Variants in ATG10 observed in about 807,000 individuals in gnomAD.
ATG10 encodes the protein ubiquitin-like-conjugating enzyme ATG10.
A neutral mutation model predicts 32.1 loss-of-function variants in ATG10; 30 were observed. That is an observed-to-expected ratio of 0.94 (90% CI 0.70 to 1.27). The LOEUF (loss-of-function observed/expected upper bound fraction) is 1.27. Among genes scored for constraint, ATG10 ranks in the 50% most tolerant of loss-of-function variants. ATG10 has a pLI of 0.00. For missense variants in ATG10, 233 were observed against 262.3 expected (o/e 0.89, Z 0.77); for synonymous variants, 87 against 91.5 (o/e 0.95, Z 0.28).
At position 82,162,066 on chromosome 5, in the gene ATG10, T is replaced by C. The variant is rs565337339; in HGVS notation, c.217-2333T>C. ...TTGAAAGAAAACAGAAAGTGTTTTTTATATATGTGTGTATATATGTATATA... is the reference window on the plus strand; with the variant it reads ...TTGAAAGAAAACAGAAAGTGTTTTTCATATATGTGTGTATATATGTATATA... On this transcript the variant is annotated intron_variant, in intron 3 of 7. Transcript: ENST00000282185. 3.3e-5 allele frequency among the ~76,000 whole-genome samples: 5 copies of C among 152,286 alleles called. No individual in the cohort carries two copies. In the East Asian group the frequency reaches 9.6e-4, roughly 29 times the overall value.
rs1219048714 is a variant in ATG10, at chr5:82,223,781, A to G, written c.454-28781A>G. Among the ~76,000 whole-genome samples the G allele has an allele frequency of 2.0e-5, 3 of 152,226 alleles. No individual in the cohort carries two copies. The South Asian group carries it at 6.2e-4, about 32-fold the overall frequency. ...TGCTAGGTCACTGATAGAAATTTTA[A>G]GTAGAGAGTTTGTTTATTATGAACT... On this transcript the variant is annotated intron_variant, in intron 5 of 7. Coordinates refer to ENST00000282185, the MANE Select transcript of ATG10 (RefSeq NM_031482.5).
intron 2 of ATG10, among the ~76,000 whole-genome samples, chr5:82,020,047 G>A (rs1196182569): frequency 6.6e-6 from 1 of 152,220 alleles, no homozygotes; most frequent in Admixed American, 6.5e-5. Context: ...CACCCCATGG[G>A]GGAGTTAGCA....
chr5:82,113,002 A>G (rs1371771743), intron 3 of ATG10, among the ~76,000 whole-genome samples: 2 of 151,956 alleles, frequency 1.3e-5, no homozygotes, highest in African/African-American at 4.8e-5. Context: ...GTATTTTTGA[A>G]TGATTTCCAT....
intron 5 of ATG10, among the ~76,000 whole-genome samples, chr5:82,240,959 C>CA (rs1382093189): frequency 1.3e-5 from 2 of 152,076 alleles, no homozygotes; most frequent in Non-Finnish European, 2.9e-5. Flanking sequence ...TTCATGACAG[C>CA]AGAGGTTATC....
chr5:82,067,931 G>A (rs1211263495), intron 3 of ATG10, among the ~76,000 whole-genome samples: 5 of 152,242 alleles, frequency 3.3e-5, no homozygotes, highest in African/African-American at 1.2e-4. Flanking sequence ...AGCAGCAGCT[G>A]TATACTTAAG....
At chr5:82,203,686 T>G (rs950033735) in intron 5 of ATG10, among the ~76,000 whole-genome samples, 3 of 152,162 alleles carry the variant, frequency 2.0e-5, no homozygotes, top group Admixed American at 2.0e-4. Context: ...TGATGACTGA[T>G]ATGTTTCAAT....
chr5:82,009,734 C>T, intron 2 of ATG10: 4 of 1,598,616 alleles, frequency 2.5e-6, no homozygotes, highest in Non-Finnish European at 3.4e-6. Context: ...CATCCAACCA[C>T]TCAGTCTTGG....
At chr5:82,024,443 ATGTC>A (rs1417965606) in intron 2 of ATG10, among the ~76,000 whole-genome samples, 1 of 152,200 alleles carries the variant, frequency 6.6e-6, no homozygotes, top group Non-Finnish European at 1.5e-5. Flanking sequence ...AGTAATTTCT[ATGTC>A]TGTTTAATAA....
intron 5 of ATG10, among the ~76,000 whole-genome samples, chr5:82,232,913 G>A (rs770925252): frequency 2.6e-5 from 4 of 152,282 alleles, no homozygotes; most frequent in Admixed American, 6.5e-5. Flanking sequence ...GGTTTCTGCT[G>A]TCTTCTCTCT....
chr5:82,197,758 C>G lies in ATG10; in HGVS notation c.453+19171C>G, dbSNP rs531646184. ...TCTATCTATCTATCTATCTATCTATCTATCTATCTATCTATCTCTATAGAT... is the reference window on the plus strand; with the variant it reads ...TCTATCTATCTATCTATCTATCTATGTATCTATCTATCTATCTCTATAGAT... On this transcript the variant is annotated intron_variant, in intron 5 of 7. Coordinates refer to ENST00000282185, the MANE Select transcript of ATG10 (RefSeq NM_031482.5). 4.0e-5 allele frequency among the ~76,000 whole-genome samples: 6 copies of G among 149,954 alleles called. No homozygotes were observed. The South Asian group carries it at 1.3e-3, about 31-fold the overall frequency.
intron 5 of ATG10, among the ~76,000 whole-genome samples, chr5:82,251,336 C>G (rs896184765): frequency 2.0e-5 from 3 of 152,194 alleles, no homozygotes; most frequent in Admixed American, 2.0e-4. Context: ...AGAGAAGAAG[C>G]CAAGAGAAGA....
At chr5:82,076,096 C>T (rs1161728051) in intron 3 of ATG10, among the ~76,000 whole-genome samples, 1 of 152,146 alleles carries the variant, frequency 6.6e-6, no homozygotes, top group Admixed American at 6.5e-5. Flanking sequence ...GGAGTTAGTG[C>T]CGATACTTAT....
intron 5 of ATG10, among the ~76,000 whole-genome samples, chr5:82,231,781 G>A (rs1746376570): frequency 6.6e-6 from 1 of 152,062 alleles, no homozygotes; most frequent in Non-Finnish European, 1.5e-5. Flanking sequence ...GGGTATAAAA[G>A]GAATCCTTAT....
chr5:82,006,502 C>T (rs929378293), intron 2 of ATG10, among the ~76,000 whole-genome samples: 7 of 152,104 alleles, frequency 4.6e-5, no homozygotes, highest in Non-Finnish European at 7.4e-5. Context: ...ACTTAGCTTT[C>T]TTTATTTTCC....
At chr5:82,244,484 C>T (rs191604597) in intron 5 of ATG10, among the ~76,000 whole-genome samples, 1 of 152,202 alleles carries the variant, frequency 6.6e-6, no homozygotes, top group East Asian at 1.9e-4. Context: ...GCGCTTAATA[C>T]GGTGCCTGAT....
chr5:82,245,207 A>G (rs1407895832), intron 5 of ATG10, among the ~76,000 whole-genome samples: 1 of 152,268 alleles, frequency 6.6e-6, no homozygotes, highest in Non-Finnish European at 1.5e-5. Context: ...AAACTCTAAC[A>G]CATAATTCCT....
chr5:82,010,492 G>T (rs1028264828), intron 2 of ATG10, among the ~76,000 whole-genome samples: 2 of 152,052 alleles, frequency 1.3e-5, no homozygotes, highest in African/African-American at 4.8e-5. Flanking sequence ...TGAAATTCAC[G>T]GTTTGAATGG....
chr5:82,071,094 G>A (rs1319293924), intron 3 of ATG10, among the ~76,000 whole-genome samples: 2 of 152,096 alleles, frequency 1.3e-5, no homozygotes, highest in Non-Finnish European at 2.9e-5. Context: ...TATGGCAGTA[G>A]TTTGAACATC....
intron 3 of ATG10, among the ~76,000 whole-genome samples, chr5:82,151,234 G>A (rs924304211): frequency 1.3e-5 from 2 of 152,118 alleles, no homozygotes; most frequent in African/African-American, 4.8e-5. Flanking sequence ...TTTATTTTAA[G>A]AGAGATGAGG....
Sources: allele counts gnomAD v4.1 joint callset (sites outside exome capture counted in the v4.1 genomes callset), GRCh38; gene constraint gnomAD v4.1.1; transcripts MANE v1.5; gene names NCBI Gene and HGNC (gene_info 2026-07-23, HGNC 2026-07-21).